NSF: variants seen among roughly 807,000 people sequenced by gnomAD.
The protein encoded by NSF is vesicle-fusing ATPase.
NSF carries 14 observed loss-of-function variants against 50.3 expected under a neutral mutation model. The ratio of observed to expected loss-of-function variants is 0.28; its 90% CI spans 0.18 to 0.44. NSF has a LOEUF of 0.44. Among genes scored for constraint, NSF ranks in the 20% least tolerant of loss-of-function variants. NSF has a pLI of 1.00. For missense variants in NSF, 218 were observed against 504.3 expected, an observed-to-expected ratio of 0.43 and a Z score of 5.44; for synonymous variants, 109 against 175.7, an observed-to-expected ratio of 0.62 and a Z score of 3.00.
At chr17:46,716,246 C>T (rs1160693578) in intron 15 of NSF, among the ~76,000 whole-genome samples, 1 of 138,906 alleles carries the variant, frequency 7.2e-6, no homozygotes, top group Non-Finnish European at 1.5e-5. Context: ...CCTCCCACTA[C>T]TGTTCTTGCC....
intron 19 of NSF, among the ~76,000 whole-genome samples, chr17:46,752,874 C>T (rs2059195164): frequency 6.6e-6 from 1 of 152,156 alleles, no homozygotes; most frequent in Non-Finnish European, 1.5e-5. Context: ...TCAAGGGATT[C>T]TCCTGCCTCG....
At chr17:46,731,243 C>T (rs941448227) in intron 17 of NSF, among the ~76,000 whole-genome samples, 8 of 152,062 alleles carry the variant, frequency 5.3e-5, no homozygotes, top group African/African-American at 1.9e-4. Context: ...AAAAAGACCA[C>T]ATATTGGATG....
chr17:46,738,964 G>A (rs537491155), intron 17 of NSF, among the ~76,000 whole-genome samples: 3 of 148,294 alleles, frequency 2.0e-5, no homozygotes, highest in Non-Finnish European at 3.0e-5. Context: ...GTCCAGGCAC[G>A]GTGGCTCACA....
In NSF at chr17:46,727,470, A is replaced by G. The variant is rs574630677; in HGVS notation, c.1828+855A>G. Among the ~76,000 whole-genome samples the G allele has an allele frequency of 4.6e-5, 7 of 152,302 alleles. No homozygotes were observed. In the South Asian group the frequency reaches 8.3e-4, roughly 18 times the overall value. ...TGTCTGAATAATCCCTTCTTCTTTA[A>G]GCTGTCCATAATGGTGTAGTCGTGA... On this transcript the variant is annotated intron_variant, in intron 16 of 20. Coordinates refer to ENST00000398238, the MANE Select transcript of NSF (RefSeq NM_006178.4).
intron 15 of NSF, among the ~76,000 whole-genome samples, chr17:46,721,253 AATAT>A (rs1268961141): frequency 2.6e-5 from 4 of 152,152 alleles, no homozygotes; most frequent in Non-Finnish European, 4.4e-5. Flanking sequence ...GTTACAGTTT[AATAT>A]GACAATCTCA....
intron 1 of NSF, among the ~76,000 whole-genome samples, chr17:46,595,525 C>T (rs2057862221): frequency 8.0e-6 from 1 of 125,652 alleles, no homozygotes; most frequent in South Asian, 2.4e-4. Context: ...GAGTCTTGCT[C>T]CGTCACCCAG....
intron 15 of NSF, among the ~76,000 whole-genome samples, chr17:46,726,105 T>A (rs555994275): frequency 6.6e-6 from 1 of 152,358 alleles, no homozygotes; most frequent in East Asian, 1.9e-4. Flanking sequence ...ATGGTCTGAT[T>A]TGAGTTGACA....
intron 4 of NSF, among the ~76,000 whole-genome samples, chr17:46,635,949 T>C (rs2058184343): frequency 2.5e-5 from 2 of 80,334 alleles, no homozygotes; most frequent in Non-Finnish European, 5.2e-5. Flanking sequence ...CTCTACTCTT[T>C]CCTAATAGTA....
chr17:46,755,724 T>C (rs1376265645), intron 20 of NSF, 78 bp from the exon 21 acceptor site: 1 of 282,766 alleles, frequency 3.5e-6, no homozygotes, highest in African/African-American at 5.1e-5. Context: ...TTTTAGTGAT[T>C]TTTTTTTTTT....
intron 15 of NSF, among the ~76,000 whole-genome samples, chr17:46,726,064 C>T (rs2058886509): frequency 6.6e-6 from 1 of 152,152 alleles, no homozygotes; most frequent in Non-Finnish European, 1.5e-5. Context: ...CATACTCAAC[C>T]TTTAATTCTT....
At chr17:46,729,809 C>T (rs770193364) in intron 17 of NSF, among the ~76,000 whole-genome samples, 8 of 151,804 alleles carry the variant, frequency 5.3e-5, no homozygotes, top group Non-Finnish European at 1.0e-4. Context: ...TATATATGTG[C>T]GTGTATTTTG....
chr17:46,673,910 G>GTGTGTGTGT (rs1471807541), intron 8 of NSF, among the ~76,000 whole-genome samples: 1 of 6,984 alleles, frequency 1.4e-4, no homozygotes, highest in African/African-American at 2.6e-4. Flanking sequence ...ATTCCATGGG[G>GTGTGTGTGT]GTGTGTGTGT....
chr17:46,743,964 A>C (rs796786512), intron 17 of NSF, among the ~76,000 whole-genome samples: 9 of 152,204 alleles, frequency 5.9e-5, no homozygotes, highest in African/African-American at 2.2e-4. Context: ...CACACATAGG[A>C]TTTAGGCGCA....
chr17:46,716,229 T>C (rs932006900), intron 15 of NSF, among the ~76,000 whole-genome samples: 3 of 151,266 alleles, frequency 2.0e-5, no homozygotes, highest in African/African-American at 4.8e-5. Flanking sequence ...GTATAAGTTC[T>C]AGTCTACCTC....
At chr17:46,708,208 CA>C (rs528109359) in intron 13 of NSF, among the ~76,000 whole-genome samples, 119 of 152,194 alleles carry the variant, frequency 7.8e-4, no homozygotes, top group South Asian at 3.3e-3. Flanking sequence ...GGTATATACT[CA>C]GAAGTGGAAT....
At chr17:46,598,499 TC>T (rs1215513217) in intron 1 of NSF, among the ~76,000 whole-genome samples, 2 of 152,234 alleles carry the variant, frequency 1.3e-5, no homozygotes, top group Non-Finnish European at 2.9e-5. Context: ...ATCTCTTTCT[TC>T]ATAAGTCCTT....
chr17:46,658,216 T>C (rs1420453431), intron 8 of NSF, among the ~76,000 whole-genome samples: 1 of 10,250 alleles, frequency 9.8e-5, no homozygotes, highest in Non-Finnish European at 1.4e-4. Flanking sequence ...ATTTTTGTAT[T>C]TTTAGTAGAG....
intron 15 of NSF, among the ~76,000 whole-genome samples, chr17:46,716,371 C>T (rs2058769556): frequency 6.6e-6 from 1 of 152,042 alleles, no homozygotes; most frequent in Non-Finnish European, 1.5e-5. Flanking sequence ...ATTCTCCTGC[C>T]TCAGCCTCCC....
chr17:46,742,096 T>G (rs1215632794), intron 17 of NSF, among the ~76,000 whole-genome samples: 1 of 152,240 alleles, frequency 6.6e-6, no homozygotes, highest in African/African-American at 2.4e-5. Context: ...TGACAGCTAA[T>G]GAATCTTATC....
Sources: gnomAD v4.1 joint callset for allele counts (sites outside exome capture counted in the v4.1 genomes callset) on GRCh38, gnomAD v4.1.1 for gene constraint, MANE v1.5 for transcripts, NCBI Gene and HGNC (gene_info 2026-07-23, HGNC 2026-07-21) for gene names.